POU2F1: variants seen among roughly 807,000 people sequenced by gnomAD.
POU2F1 encodes POU domain, class 2, transcription factor 1.
In POU2F1, 16 loss-of-function variants were observed where a neutral mutation model predicts 84.9. The observed-to-expected ratio is 0.19, with a 90% CI of 0.13 to 0.29. POU2F1 has a LOEUF of 0.29. Among genes scored for constraint, POU2F1 ranks in the 10% least tolerant of loss-of-function variants. The pLI, the probability that POU2F1 is intolerant of heterozygous loss-of-function variation, is 1.00. For missense variants in POU2F1, 738 were observed against 942.6 expected (o/e 0.78, Z 2.84); for synonymous variants, 368 against 368.3 (o/e 1.00, Z 0.01).
intron 1 of POU2F1, among the ~76,000 whole-genome samples, chr1:167,225,590 C>T (rs558209742): frequency 1.3e-5 from 2 of 152,198 alleles, no homozygotes; most frequent in Non-Finnish European, 2.9e-5. Flanking sequence ...TTTAATAGAC[C>T]CTTGAATATC....
chr1:167,276,862 G>T (rs1224412401), intron 1 of POU2F1, among the ~76,000 whole-genome samples: 1 of 152,130 alleles, frequency 6.6e-6, no homozygotes, highest in East Asian at 1.9e-4. Context: ...AAAAAGATGA[G>T]AAAGGAAGCC....
At chr1:167,294,241 C>T (rs930705898) in intron 1 of POU2F1, among the ~76,000 whole-genome samples, 6 of 148,824 alleles carry the variant, frequency 4.0e-5, no homozygotes, top group African/African-American at 1.5e-4. Context: ...CCCAGCTACT[C>T]AGGAGGCTGA....
intron 9 of POU2F1, among the ~76,000 whole-genome samples, chr1:167,394,406 A>AGTAT (rs1648657229): frequency 6.6e-6 from 1 of 152,210 alleles, no homozygotes; most frequent in African/African-American, 2.4e-5. Context: ...ATTTGTATAC[A>AGTAT]GTATAATGGA....
In POU2F1 at chr1:167,383,873, A is replaced by G; in HGVS notation, c.735A>G (p.Gln245=). ...PQGQQGLLQA[Q]NLLTQLPQQS... ...CTTCTACAGGTCTCCTGCAAGCGCAAAATCTTCTAACGCAACTACCTCAGC... is the reference window on the plus strand; with the variant it reads ...CTTCTACAGGTCTCCTGCAAGCGCAGAATCTTCTAACGCAACTACCTCAGC... The change falls in exon 8 of 16, where the codon CAA becomes CAG. Residue 245 remains glutamine, a synonymous_variant. Transcript: ENST00000367866. The G allele has an allele frequency of 6.2e-7, 1 of 1,613,744 alleles. No homozygotes were observed. Among genetic ancestry groups the G allele is most frequent in the Non-Finnish European group, 8.5e-7 (1 of 1,179,788 alleles).
intron 4 of POU2F1, among the ~76,000 whole-genome samples, chr1:167,371,080 C>T (rs1192452787): frequency 1.3e-5 from 2 of 152,032 alleles, no homozygotes; most frequent in African/African-American, 2.4e-5. Flanking sequence ...CCTAGTAACA[C>T]GTAGGAACAA....
At chr1:167,323,572 A>G (rs1032822514) in intron 1 of POU2F1, among the ~76,000 whole-genome samples, 2 of 152,228 alleles carry the variant, frequency 1.3e-5, no homozygotes, top group South Asian at 2.1e-4. Flanking sequence ...TCCCTATAGC[A>G]TGCTGAAGAC....
rs185305986 is a variant in POU2F1, at chr1:167,224,225, T to C, written c.61+3267T>C. 9.1e-4 allele frequency among the ~76,000 whole-genome samples: 139 copies of C among 152,322 alleles called. 1 individual carries two copies. The highest frequency in any genetic ancestry group is 3.2e-3 in the African/African-American group (135 of 41,558). ...TATTTGGGTTTTAGATAGATAGTCATAGAAGTGACCCATATAAATGTTTGT... is the reference window on the plus strand; with the variant it reads ...TATTTGGGTTTTAGATAGATAGTCACAGAAGTGACCCATATAAATGTTTGT... On this transcript the variant is annotated intron_variant, in intron 1 of 15. Coordinates refer to ENST00000367866, the MANE Select transcript of POU2F1 (RefSeq NM_002697.4).
chr1:167,307,650 A>G (rs1042023484), intron 1 of POU2F1, among the ~76,000 whole-genome samples: 2 of 152,130 alleles, frequency 1.3e-5, no homozygotes, highest in African/African-American at 4.8e-5. Context: ...ACCCCCAACT[A>G]CTTTACTGTC....
intron 1 of POU2F1, among the ~76,000 whole-genome samples, chr1:167,301,149 C>T (rs1571257533): frequency 6.6e-6 from 1 of 151,872 alleles, no homozygotes; most frequent in Admixed American, 6.5e-5. Context: ...ATAGTATTTA[C>T]TACTGTTTAG....
At chr1:167,355,084 A>G (rs1658847439) in intron 2 of POU2F1, among the ~76,000 whole-genome samples, 1 of 150,544 alleles carries the variant, frequency 6.6e-6, no homozygotes, top group African/African-American at 2.4e-5. Context: ...GGTTAGAATG[A>G]TATTCTTTTA....
At chr1:167,257,512 T>C (rs1651232398) in intron 1 of POU2F1, among the ~76,000 whole-genome samples, 1 of 152,208 alleles carries the variant, frequency 6.6e-6, no homozygotes, top group Non-Finnish European at 1.5e-5. Flanking sequence ...GGGCTGAACA[T>C]ACATAGTAGC....
chr1:167,374,403 C>A, intron 6 of POU2F1, 107 bp downstream of exon 6: 1 of 1,066,820 alleles, frequency 9.4e-7, no homozygotes, highest in Non-Finnish European at 1.3e-6. Context: ...CCTTAACTGC[C>A]TGAGGAGCTC....
At chr1:167,409,124 A>C (rs1649786634) in intron 13 of POU2F1, among the ~76,000 whole-genome samples, 1 of 152,148 alleles carries the variant, frequency 6.6e-6, no homozygotes, top group Non-Finnish European at 1.5e-5. Context: ...GGTCACAAAG[A>C]TTTTGTCCTA....
intron 10 of POU2F1, 186 bp downstream of exon 10, chr1:167,396,613 C>A: frequency 1.6e-6 from 1 of 606,814 alleles, no homozygotes; most frequent in Non-Finnish European, 2.8e-6. Flanking sequence ...TTTAAATATT[C>A]TAGTAATTAC....
At chr1:167,233,662 A>G (rs1415704381) in intron 1 of POU2F1, among the ~76,000 whole-genome samples, 3 of 152,236 alleles carry the variant, frequency 2.0e-5, no homozygotes, top group Non-Finnish European at 2.9e-5. Context: ...GCATAACTGC[A>G]CATACAATTC....
rs963133542 is a variant in POU2F1, at chr1:167,423,881, G to A, written c.*8071G>A. ...CCCAAAGTCTGCAGGCAGACAGCTG[G>A]ATACAGCGCTGTGTATAAATGAGAC... On this transcript the variant is annotated 3_prime_UTR_variant, in exon 16 of 16. Transcript: ENST00000367866. 1 of 152,208 alleles carries A rather than the reference G, an allele frequency of 6.6e-6. No homozygotes were observed. The highest frequency in any genetic ancestry group is 1.5e-5 in the Non-Finnish European group (1 of 68,046). 9.4% of individuals were successfully genotyped at this position (152,208 alleles called of 1,614,324 possible).
At chr1:167,273,159 A>G (rs1652491665) in intron 1 of POU2F1, among the ~76,000 whole-genome samples, 22 of 152,224 alleles carry the variant, frequency 1.4e-4, no homozygotes, top group Admixed American at 1.4e-3. Context: ...TCCGGGCAGC[A>G]CTGATGCAAG....
In POU2F1 at chr1:167,293,693, C is replaced by T. The variant is rs376901452; in HGVS notation, c.62-38777C>T. 5.8e-4 allele frequency among the ~76,000 whole-genome samples: 88 copies of T among 152,260 alleles called. No individual in the cohort carries two copies. In the South Asian group the frequency reaches 0.012, roughly 20 times the overall value. On this transcript the variant is annotated intron_variant, in intron 1 of 15. Transcript: ENST00000367866. ...ACAAATCTGGAGGCATCACCCACTACGGGATTTCCAGTTATACTACAAGGC... is the reference window on the plus strand; with the variant it reads ...ACAAATCTGGAGGCATCACCCACTATGGGATTTCCAGTTATACTACAAGGC...
chr1:167,248,761 G>A (rs1650515432), intron 1 of POU2F1, among the ~76,000 whole-genome samples: 1 of 152,126 alleles, frequency 6.6e-6, no homozygotes, highest in African/African-American at 2.4e-5. Context: ...ACAATAATAG[G>A]TAACATTTAA....
Sources: gnomAD v4.1 joint callset for allele counts (sites outside exome capture counted in the v4.1 genomes callset) on GRCh38, gnomAD v4.1.1 for gene constraint, MANE v1.5 for transcripts, NCBI Gene and HGNC (gene_info 2026-07-23, HGNC 2026-07-21) for gene names.